RABGAP1L: variants seen among roughly 807,000 people sequenced by gnomAD.
The protein encoded by RABGAP1L is RAB GTPase activating protein 1 like, also known as rab GTPase-activating protein 1-like.
RABGAP1L carries 63 observed loss-of-function variants against 137.7 expected under a neutral mutation model. That is an observed-to-expected ratio of 0.46 (90% CI 0.37 to 0.56). The LOEUF is 0.56. Among genes scored for constraint, RABGAP1L ranks in the 20% least tolerant of loss-of-function variants. The pLI is 0.00. For missense variants in RABGAP1L, 1,095 were observed against 1,244.0 expected (o/e 0.88, Z 1.80); for synonymous variants, 431 against 433.7 (o/e 0.99, Z 0.08).
intron 19 of RABGAP1L, among the ~76,000 whole-genome samples, chr1:174,886,292 G>A (rs1353070771): frequency 2.6e-5 from 4 of 152,146 alleles, no homozygotes; most frequent in Non-Finnish European, 4.4e-5. Flanking sequence ...GATTACAGGC[G>A]TAAGCCACCG....
chr1:174,691,474 G>A (rs115496096), intron 15 of RABGAP1L, among the ~76,000 whole-genome samples: 3,364 of 152,128 alleles, frequency 0.022, 56 homozygotes, highest in Middle Eastern at 0.086. Context: ...ATTACCAAAC[G>A]GTGATTACAT....
chr1:174,620,274 C>G (rs1297482303), intron 13 of RABGAP1L, among the ~76,000 whole-genome samples: 3 of 152,148 alleles, frequency 2.0e-5, no homozygotes, highest in African/African-American at 7.2e-5. Context: ...CAGCTCTGCA[C>G]CAAGCAGACC....
intron 13 of RABGAP1L, among the ~76,000 whole-genome samples, chr1:174,599,752 G>A (rs537618312): frequency 1.3e-5 from 2 of 152,152 alleles, no homozygotes; most frequent in Non-Finnish European, 2.9e-5. Flanking sequence ...TTTTAGGATT[G>A]TTTCTTTATC....
chr1:174,290,399 T>G (rs571223653), intron 10 of RABGAP1L, among the ~76,000 whole-genome samples: 1 of 152,330 alleles, frequency 6.6e-6, no homozygotes, highest in South Asian at 2.1e-4. Flanking sequence ...TCAGCAAATC[T>G]CTCTTGGCAT....
At chr1:174,463,466 A>G (rs1425499333) in intron 13 of RABGAP1L, among the ~76,000 whole-genome samples, 2 of 150,914 alleles carry the variant, frequency 1.3e-5, no homozygotes. Flanking sequence ...GAACAATGAG[A>G]TCACATGGAC....
At chr1:174,344,828 T>C (rs1682294679) in intron 11 of RABGAP1L, among the ~76,000 whole-genome samples, 1 of 152,212 alleles carries the variant, frequency 6.6e-6, no homozygotes, top group Non-Finnish European at 1.5e-5. Flanking sequence ...CTTGGTTGCC[T>C]GTGCTTCTGG....
chr1:174,917,601 T>C (rs1661075798), intron 19 of RABGAP1L, among the ~76,000 whole-genome samples: 1 of 152,196 alleles, frequency 6.6e-6, no homozygotes. Context: ...TTTACAGTTT[T>C]TGTAGCTACC....
intron 18 of RABGAP1L, among the ~76,000 whole-genome samples, chr1:174,799,259 A>C (rs961771809): frequency 5.3e-5 from 8 of 152,186 alleles, no homozygotes; most frequent in African/African-American, 1.9e-4. Context: ...TTGTATTTGC[A>C]TTGCAAAGAG....
At chr1:174,449,206 A>C in intron 13 of RABGAP1L, 1 of 1,551,398 alleles carries the variant, frequency 6.4e-7, no homozygotes, top group Non-Finnish European at 8.7e-7. Flanking sequence ...GAAGAGAGCT[A>C]CATAGTAAAT....
intron 1 of RABGAP1L, among the ~76,000 whole-genome samples, chr1:174,215,765 G>T (rs1571588970): frequency 6.6e-6 from 1 of 152,146 alleles, no homozygotes; most frequent in Admixed American, 6.6e-5. Context: ...CAGTTTATAT[G>T]TTCCTTAGAA....
intron 12 of RABGAP1L, among the ~76,000 whole-genome samples, chr1:174,377,611 T>C (rs1193693223): frequency 6.6e-6 from 1 of 152,078 alleles, no homozygotes; most frequent in Non-Finnish European, 1.5e-5. Context: ...AGATGCTCAA[T>C]ATCATTAACC....
intron 13 of RABGAP1L, among the ~76,000 whole-genome samples, chr1:174,574,065 G>A (rs912671199): frequency 2.6e-5 from 4 of 152,136 alleles, no homozygotes; most frequent in Non-Finnish European, 2.9e-5. Context: ...TGCTAATTAC[G>A]GGCAGCCTTA....
intron 17 of RABGAP1L, among the ~76,000 whole-genome samples, chr1:174,749,904 G>A (rs1443756933): frequency 6.6e-6 from 1 of 152,006 alleles, no homozygotes; most frequent in Admixed American, 6.6e-5. Context: ...TTGAGATGGA[G>A]TCTCGCTCTG....
rs1167927566 is a variant in RABGAP1L at position 174,995,188 on chromosome 1, TAAAC to T, written c.*5191_*5194del. ...TATGTGTGAATGAAGCCTTGTGAAA[TAAAC>T]AAATGCAACTGAGAAGGTAACAAGG... On this transcript the variant is annotated 3_prime_UTR_variant, in exon 26 of 26. Transcript: ENST00000681986. The T allele has an allele frequency of 1.3e-5, 2 of 152,238 alleles. No individual in the cohort carries two copies. The highest frequency in any genetic ancestry group is 6.5e-5 in the Admixed American group (1 of 15,292). 9.4% of individuals were successfully genotyped at this position (152,238 alleles called of 1,614,324 possible).
chr1:174,701,406 G>A (rs1033806187), intron 16 of RABGAP1L, among the ~76,000 whole-genome samples: 2 of 152,106 alleles, frequency 1.3e-5, no homozygotes, highest in Admixed American at 1.3e-4. Context: ...CAGATTAGAT[G>A]ATTTCCAAAG....
At chr1:174,349,051 G>A (rs1571335213) in intron 11 of RABGAP1L, among the ~76,000 whole-genome samples, 3 of 149,954 alleles carry the variant, frequency 2.0e-5, no homozygotes, top group South Asian at 4.3e-4. Flanking sequence ...GGGCGGGGGG[G>A]GGGCTGACCC....
chr1:174,339,642 T>G (rs1387604419), intron 11 of RABGAP1L, among the ~76,000 whole-genome samples: 2 of 152,176 alleles, frequency 1.3e-5, no homozygotes, highest in Admixed American at 6.5e-5. Context: ...AGTCTCACTC[T>G]ATTGCCCAGG....
At chr1:174,622,553 A>G (rs1483194061) in intron 13 of RABGAP1L, among the ~76,000 whole-genome samples, 5 of 152,228 alleles carry the variant, frequency 3.3e-5, no homozygotes, top group East Asian at 1.9e-4. Flanking sequence ...TGTCCTTTGT[A>G]GGGACATGGA....
At chr1:174,734,333 C>T (rs140817235) in intron 17 of RABGAP1L, among the ~76,000 whole-genome samples, 190 of 152,032 alleles carry the variant, frequency 1.2e-3, no homozygotes, top group African/African-American at 3.7e-3. Context: ...ATAGGGAACT[C>T]GGGAGATGGT....
Sources: allele counts gnomAD v4.1 joint callset (sites outside exome capture counted in the v4.1 genomes callset), GRCh38; gene constraint gnomAD v4.1.1; transcripts MANE v1.5; gene names NCBI Gene and HGNC (gene_info 2026-07-23, HGNC 2026-07-21).